CACNA1E: variants seen among roughly 807,000 people sequenced by gnomAD.
The protein encoded by CACNA1E is calcium voltage-gated channel subunit alpha1 E.
CACNA1E carries 40 observed loss-of-function variants against 259.2 expected under a neutral mutation model. The observed-to-expected ratio is 0.15, with a 90% CI of 0.12 to 0.20. The LOEUF (loss-of-function observed/expected upper bound fraction) is 0.20. Among genes scored for constraint, CACNA1E ranks in the 10% least tolerant of loss-of-function variants. CACNA1E has a pLI of 1.00. For missense variants in CACNA1E, 1,874 were observed against 3,040.1 expected (o/e 0.62, Z 9.02); for synonymous variants, 1,104 against 1,138.5 (o/e 0.97, Z 0.61).
intron 1 of CACNA1E, among the ~76,000 whole-genome samples, chr1:181,410,797 A>T (rs1657790293): frequency 6.6e-6 from 1 of 152,216 alleles, no homozygotes; most frequent in Non-Finnish European, 1.5e-5. Context: ...GGACCTCAGC[A>T]TCCATAAAAT....
Position 181,651,375 on chromosome 1 carries a change from A to T in CACNA1E, c.989A>T (p.Tyr330Phe). The T allele has an allele frequency of 1.9e-6, 3 of 1,594,226 alleles. No individual in the cohort carries two copies. Among genetic ancestry groups the T allele is most frequent in the Non-Finnish European group, 2.6e-6 (3 of 1,161,866 alleles). The change falls in exon 7 of 48, where the codon TAC (tyrosine) becomes TTC (phenylalanine). Residue 330 changes from tyrosine (Y) to phenylalanine (F), a missense_variant. Transcript: ENST00000367573. ...DALGATWNWL[Y>F]FIPLIIIGSF... ...TTAGGAGCCACCTGGAATTGGCTGT[A>T]CTTCATCCCCCTCATCATCATTGGA...
intron 1 of CACNA1E, among the ~76,000 whole-genome samples, chr1:181,401,291 T>C (rs1449291896): frequency 2.3e-4 from 35 of 152,220 alleles, no homozygotes; most frequent in Admixed American, 2.3e-3. Flanking sequence ...CCTGACATGA[T>C]GCACAGTTCT....
chr1:181,767,300 C>CA (rs1553349570), intron 35 of CACNA1E, among the ~76,000 whole-genome samples: 1 of 152,154 alleles, frequency 6.6e-6, no homozygotes. Context: ...AAGGATCTTT[C>CA]AAAGATGATG....
At chr1:181,400,446 C>T (rs979482678) in intron 1 of CACNA1E, among the ~76,000 whole-genome samples, 6 of 152,122 alleles carry the variant, frequency 3.9e-5, no homozygotes, top group African/African-American at 1.4e-4. Flanking sequence ...CTGGCCGTGG[C>T]TGCAGGGAAG....
intron 6 of CACNA1E, among the ~76,000 whole-genome samples, chr1:181,600,140 G>A (rs1383570718): frequency 1.3e-5 from 2 of 152,250 alleles, no homozygotes; most frequent in East Asian, 3.9e-4. Context: ...GAAAGCCCTG[G>A]GATATCTGTG....
intron 3 of CACNA1E, among the ~76,000 whole-genome samples, chr1:181,535,628 C>T (rs971218268): frequency 6.6e-6 from 1 of 151,840 alleles, no homozygotes; most frequent in African/African-American, 2.4e-5. Context: ...TTTTTAACCA[C>T]TCGATTGTTG....
chr1:181,531,600 G>A (rs746074953), intron 3 of CACNA1E, among the ~76,000 whole-genome samples: 1 of 152,188 alleles, frequency 6.6e-6, no homozygotes, highest in Non-Finnish European at 1.5e-5. Flanking sequence ...CCCAGCTTAC[G>A]CCTTATCGTC....
intron 6 of CACNA1E, among the ~76,000 whole-genome samples, chr1:181,625,311 G>A (rs1195874584): frequency 1.3e-5 from 2 of 152,208 alleles, no homozygotes; most frequent in East Asian, 1.9e-4. Flanking sequence ...GAAGCCAAAC[G>A]TCGTCTTCTC....
At chr1:181,328,231 C>T (rs973737142) in intron 1 of CACNA1E, among the ~76,000 whole-genome samples, 3 of 152,196 alleles carry the variant, frequency 2.0e-5, no homozygotes, top group Middle Eastern at 3.4e-3. Context: ...GGTGCCTTCT[C>T]GCTGTGTCCT....
intron 3 of CACNA1E, among the ~76,000 whole-genome samples, chr1:181,519,723 C>G (rs1176949486): frequency 6.6e-6 from 1 of 152,092 alleles, no homozygotes. Flanking sequence ...TGCCTTACTA[C>G]CCCTGGCGAT....
At position 181,448,514 on chromosome 1, in the gene CACNA1E, C is replaced by A. The variant is rs548144482; in HGVS notation, c.434+34934C>A. Reference sequence around the variant, plus strand: ...TTTCTCCTGGGATCTCAACTAAAAGCCTCAGAAGTAATCACTTATTTAAAT... The same window carrying A: ...TTTCTCCTGGGATCTCAACTAAAAGACTCAGAAGTAATCACTTATTTAAAT... On this transcript the variant is annotated intron_variant, in intron 2 of 11. Transcript: ENST00000524607. 5.0e-4 allele frequency among the ~76,000 whole-genome samples: 76 copies of A among 152,320 alleles called. 1 individual carries two copies. The highest frequency in any genetic ancestry group is 1.5e-3 in the African/African-American group (63 of 41,566).
rs544963241 is a variant in CACNA1E, at chr1:181,710,948, C to T, written c.1056-6C>T. ...ACCCAGTGAATCTTATCCTTCTTGT[C>T]CACAGGGAATTTGCCAAAGAGAGAG... is the stretch of plus-strand genomic sequence containing the variant. On this transcript the variant is annotated splice_polypyrimidine_tract_variant and splice_region_variant and intron_variant, in intron 7 of 47. Transcript: ENST00000367573. 50 of 1,598,076 alleles carry T rather than the reference C, an allele frequency of 3.1e-5. 1 individual carries two copies. The East Asian group carries it at 8.9e-4, about 29-fold the overall frequency.
chr1:181,416,935 T>G (rs1383459079), intron 2 of CACNA1E, among the ~76,000 whole-genome samples: 2 of 152,152 alleles, frequency 1.3e-5, no homozygotes, highest in Non-Finnish European at 2.9e-5. Flanking sequence ...AGTATCCATG[T>G]AGATGACCCT....
chr1:181,411,244 G>A (rs182280438), intron 1 of CACNA1E, among the ~76,000 whole-genome samples: 5 of 152,272 alleles, frequency 3.3e-5, no homozygotes, highest in East Asian at 1.9e-4. Context: ...TAACTTTTAC[G>A]TCTCTCATTA....
chr1:181,503,115 A>G (rs548654031), intron 1 of CACNA1E, among the ~76,000 whole-genome samples: 66 of 152,230 alleles, frequency 4.3e-4, no homozygotes, highest in Non-Finnish European at 8.2e-4. Context: ...ACCATGAGGG[A>G]TGCAGACACA....
chr1:181,487,608 A>G (rs1663953852), intron 1 of CACNA1E, among the ~76,000 whole-genome samples: 1 of 152,064 alleles, frequency 6.6e-6, no homozygotes, highest in South Asian at 2.1e-4. Flanking sequence ...CCTCGTTTTC[A>G]TTTTCTTTTT....
At position 181,372,780 on chromosome 1, in the gene CACNA1E, T is replaced by C. The variant is rs148344764; in HGVS notation, c.-14-40353T>C. ...GTATGTTCCTTTGATACCTAGTTTG[T>C]TGAGCTACTAGCTCATGAAGGGATG... On this transcript the variant is annotated intron_variant, in intron 1 of 11. Transcript: ENST00000524607. Among the ~76,000 whole-genome samples the C allele has an allele frequency of 4.3e-3, 655 of 151,672 alleles. 4 individuals are homozygous for C. Among genetic ancestry groups the C allele is most frequent in the Middle Eastern group, 0.014 (4 of 292 alleles).
chr1:181,466,494 A>G (rs1018636744), intron 2 of CACNA1E, among the ~76,000 whole-genome samples: 2 of 152,116 alleles, frequency 1.3e-5, no homozygotes, highest in African/African-American at 4.8e-5. Flanking sequence ...GTTGCAGTGA[A>G]CTGAGATGGG....
intron 2 of CACNA1E, among the ~76,000 whole-genome samples, chr1:181,463,916 C>G (rs1661982153): frequency 6.6e-6 from 1 of 151,990 alleles, no homozygotes; most frequent in South Asian, 2.1e-4. Context: ...TTTTAAATAA[C>G]ATTTTTTACA....
Sources: allele counts gnomAD v4.1 joint callset (sites outside exome capture counted in the v4.1 genomes callset), GRCh38; gene constraint gnomAD v4.1.1; transcripts MANE v1.5; gene names NCBI Gene and HGNC (gene_info 2026-07-23, HGNC 2026-07-21).